IL21: variants seen among roughly 807,000 people sequenced by gnomAD.
IL21 encodes the protein interleukin-21.
Under a neutral mutation model 18.4 loss-of-function variants are expected in IL21, and 3 were observed. The ratio of observed to expected loss-of-function variants is 0.16; its 90% CI spans 0.07 to 0.42. The LOEUF (loss-of-function observed/expected upper bound fraction) is 0.42. IL21 is among the 10% of genes least tolerant of loss of function. The pLI is 0.99. For synonymous variants in IL21, 37 were observed against 62.0 expected, an observed-to-expected ratio of 0.60 and a Z score of 1.90; for missense variants, 130 against 188.4, an observed-to-expected ratio of 0.69 and a Z score of 1.81.
Position 122,612,088 on chromosome 4 carries a change from C to T in IL21, c.*622G>A, listed in dbSNP as rs532678684. Among the ~76,000 whole-genome samples, 1 of 151,802 alleles carries T rather than the reference C, an allele frequency of 6.6e-6. No individual in the cohort carries two copies. The highest frequency in any genetic ancestry group is 2.1e-4 in the South Asian group (1 of 4,804). Reference sequence around the variant, plus strand: ...TGACTAAGAGTCTATTCCATAAATACATTCATATCTATAGTATTTAAATAT... The same window carrying T: ...TGACTAAGAGTCTATTCCATAAATATATTCATATCTATAGTATTTAAATAT... On this transcript the variant is annotated 3_prime_UTR_variant, in exon 5 of 5. Coordinates refer to ENST00000648588, the MANE Select transcript of IL21 (RefSeq NM_021803.4).
intron 2 of IL21, among the ~76,000 whole-genome samples, chr4:122,620,443 A>G (rs1191441835): frequency 6.6e-6 from 1 of 152,218 alleles, no homozygotes; most frequent in Non-Finnish European, 1.5e-5. Context: ...ATTCTGTCTC[A>G]GCAATACTAC....
chr4:122,619,186 G>A (rs901682869), intron 2 of IL21: 2 of 152,186 alleles, frequency 1.3e-5, no homozygotes, highest in African/African-American at 4.8e-5. Flanking sequence ...ACATTAGATA[G>A]TTTTATTTTC....
In IL21 at chr4:122,612,868, T is replaced by C; in HGVS notation, c.421A>G (p.Lys141Glu). The C allele has an allele frequency of 6.2e-7, 1 of 1,612,998 alleles. No individual in the cohort carries two copies. The highest frequency in any genetic ancestry group is 1.3e-5 in the African/African-American group (1 of 75,028). Reference protein sequence around the residue: ...KPPKEFLERFKSLLQKMIHQH... With the variant: ...KPPKEFLERFESLLQKMIHQH... ...GTAGATACCTTTTGGAGAAGTGATT[T>C]GAATCTTTCTAGGAATTCTTTGGGT... is the stretch of plus-strand genomic sequence containing the variant. Residue 141 changes from lysine (K) to glutamate (E), a missense_variant, in exon 4 of 5, where the codon AAA (lysine) becomes GAA (glutamate). Transcript: ENST00000648588.
chr4:122,615,422 G>A (rs558788562), intron 3 of IL21, among the ~76,000 whole-genome samples: 4 of 152,160 alleles, frequency 2.6e-5, no homozygotes, highest in Non-Finnish European at 5.9e-5. Flanking sequence ...GTACTCAGGA[G>A]GCTGAGGTAG....
chr4:122,613,955 T>G (rs1328222211), intron 3 of IL21, among the ~76,000 whole-genome samples: 1 of 152,240 alleles, frequency 6.6e-6, no homozygotes, highest in Non-Finnish European at 1.5e-5. Flanking sequence ...ATTGCTCACT[T>G]AGATTTTTAA....
At chr4:122,615,567 C>G (rs915929958) in intron 3 of IL21, 115 bp downstream of exon 3, 1 of 789,538 alleles carries the variant, frequency 1.3e-6, no homozygotes, top group African/African-American at 1.8e-5. Context: ...TAAGGCATAA[C>G]TATAGGTAAG....
rs79561928 is a variant in IL21, at chr4:122,610,887, A to G, written c.*1823T>C. ...CTGGTGGGTTTAACTCTGGTTAAACAGCAGAGTTTATCTGGGTGTTTAAAC... is the reference window on the plus strand; with the variant it reads ...CTGGTGGGTTTAACTCTGGTTAAACGGCAGAGTTTATCTGGGTGTTTAAAC... On this transcript the variant is annotated 3_prime_UTR_variant, in exon 5 of 5. Transcript: ENST00000648588. Among the ~76,000 whole-genome samples, 343 of 152,344 alleles carry G rather than the reference A, an allele frequency of 2.3e-3. 3 individuals carry two copies. Among genetic ancestry groups the G allele is most frequent in the Non-Finnish European group, 3.8e-3 (257 of 68,024 alleles).
In IL21 at chr4:122,620,975, T is replaced by C. The variant is rs1318019158; in HGVS notation, c.37A>G (p.Ile13Val). 3 of 1,614,026 alleles carry C rather than the reference T, an allele frequency of 1.9e-6. No homozygotes were observed. The highest frequency in any genetic ancestry group is 2.5e-6 in the Non-Finnish European group (3 of 1,179,914). ...CCCAAGAAGATGACCATCAGACAGATGACAATCCTCTCCATGTTGCCAGGA... is the reference window on the plus strand; with the variant it reads ...CCCAAGAAGATGACCATCAGACAGACGACAATCCTCTCCATGTTGCCAGGA... ...SSPGNMERIV[I>V]CLMVIFLGTL... The change falls in exon 1 of 5, where the codon ATC becomes GTC. Residue 13 changes from isoleucine (I) to valine (V), a missense_variant. Ile to Val is a conservative substitution (Grantham distance 29, BLOSUM62 3). Coordinates refer to ENST00000648588, the MANE Select transcript of IL21 (RefSeq NM_021803.4).
In IL21 at chr4:122,612,660, C is replaced by G; in HGVS notation, c.*50G>C. On this transcript the variant is annotated 3_prime_UTR_variant, in exon 5 of 5. Transcript: ENST00000648588. ...ACTTGGAATACAAAGAAATGACTTT[C>G]ACTACTATATTAGAGTATGTAACAT... 7.7e-7 allele frequency: 1 copy of G among 1,299,020 alleles called. No individual in the cohort carries two copies. The highest frequency in any genetic ancestry group is 1.1e-6 in the Non-Finnish European group (1 of 897,164). The allele number at this position is 1,299,020 out of a possible 1,614,324, so 80.5% of individuals were successfully genotyped here. A position where few individuals can be genotyped will look rare whatever the true frequency, so the allele number is the denominator to read the frequency against.
At chr4:122,618,282 C>CTT (rs66724277) in intron 2 of IL21, among the ~76,000 whole-genome samples, 8 of 145,452 alleles carry the variant, frequency 5.5e-5, no homozygotes, top group African/African-American at 1.8e-4. Context: ...CTCCTTAGGG[C>CTT]TTTTTTTTTT....
chr4:122,612,746 A>T lies in IL21; in HGVS notation c.453T>A (p.His151Gln). 1.9e-6 allele frequency: 3 copies of T among 1,613,606 alleles called. No homozygotes were observed. In the African/African-American group the frequency reaches 4.0e-5, roughly 22 times the overall value. ...CACTTCCGTGTGTTCTAGAGGACAG[A>T]TGCTGATGAATCATCTGTGGAAATA... ...KSLLQKMIHQHLSSRTHGSED... is the reference protein window; with the variant it reads ...KSLLQKMIHQQLSSRTHGSED... The change falls in exon 5 of 5, where the codon CAT becomes CAA. Residue 151 changes from histidine (H) to glutamine (Q), a missense_variant. Transcript: ENST00000648588.
In IL21 at chr4:122,612,917, T is replaced by G; in HGVS notation, c.372A>C (p.Ser124=). Residue 124 remains serine (S), a synonymous_variant, in exon 4 of 5, where the codon TCA becomes TCC. Coordinates refer to ENST00000648588, the MANE Select transcript of IL21 (RefSeq NM_021803.4). ...GTGGTTTTTTCTCATAAGAATCACA[T>G]GAAGGGCATGTCTAGAAATCAATGA... The part of the protein sequence containing the change: ...RRQKHRLTCP[S]CDSYEKKPPK... 1 of 1,599,630 alleles carries G rather than the reference T, an allele frequency of 6.3e-7. No homozygotes were observed.
In IL21 at chr4:122,616,242, C is replaced by T. The variant is rs535812767; in HGVS notation, c.205-405G>A. ...AATTATGTTATAGTCTGATGAAGAA[C>T]ATTTTTCATTTGTTTGTGGTTTCTG... is the stretch of plus-strand genomic sequence containing the variant. On this transcript the variant is annotated intron_variant, in intron 2 of 4. Transcript: ENST00000648588. Among the ~76,000 whole-genome samples, 208 of 152,296 alleles carry T rather than the reference C, an allele frequency of 1.4e-3. 1 individual carries two copies. The highest frequency in any genetic ancestry group is 4.9e-3 in the African/African-American group (203 of 41,560).
chr4:122,617,523 G>T (rs992733898), intron 2 of IL21, among the ~76,000 whole-genome samples: 1 of 152,248 alleles, frequency 6.6e-6, no homozygotes, highest in Admixed American at 6.5e-5. Flanking sequence ...AAGTAGAGGG[G>T]CCCTGCCAGC....
At chr4:122,616,013 A>G (rs976659938) in intron 2 of IL21, among the ~76,000 whole-genome samples, 176 bp from the exon 3 acceptor site, 1 of 152,238 alleles carries the variant, frequency 6.6e-6, no homozygotes, top group African/African-American at 2.4e-5. Context: ...AAAAGGGACA[A>G]TCCCCTGCTT....
chr4:122,615,287 C>T (rs1376656470), intron 3 of IL21, among the ~76,000 whole-genome samples: 1 of 152,152 alleles, frequency 6.6e-6, no homozygotes, highest in Non-Finnish European at 1.5e-5. Flanking sequence ...TTTGGGAGGC[C>T]AAGGCGGGCG....
rs1397428398 is a variant in IL21, at chr4:122,621,048, T to C, written c.-37A>G. ...GTAGAGCTAGACCTTGGTCTCGTTT[T>C]CACTTCAGCTTGACTGAGAACAGGT... On this transcript the variant is annotated 5_prime_UTR_variant, in exon 1 of 5. Transcript: ENST00000648588. The C allele has an allele frequency of 3.8e-6, 6 of 1,592,232 alleles. No individual in the cohort carries two copies. In the South Asian group the frequency reaches 6.7e-5, roughly 18 times the overall value.
At chr4:122,614,957 A>G (rs1306089896) in intron 3 of IL21, among the ~76,000 whole-genome samples, 1 of 152,160 alleles carries the variant, frequency 6.6e-6, no homozygotes, top group Non-Finnish European at 1.5e-5. Flanking sequence ...GGCAAAGTTT[A>G]AGATTTGCCC....
chr4:122,615,950 T>A (rs1799331845), intron 2 of IL21, 113 bp from the exon 3 acceptor site: 1 of 851,082 alleles, frequency 1.2e-6, no homozygotes, highest in Non-Finnish European at 1.8e-6. Context: ...TTACATCGTT[T>A]CAACAGATGA....
Sources: allele counts gnomAD v4.1 joint callset (sites outside exome capture counted in the v4.1 genomes callset), GRCh38; gene constraint gnomAD v4.1.1; transcripts MANE v1.5; gene names NCBI Gene and HGNC (gene_info 2026-07-23, HGNC 2026-07-21).